Variants in SPTLC3 observed in about 807,000 individuals in gnomAD.
The protein encoded by SPTLC3 is serine palmitoyltransferase long chain base subunit 3, also known as serine palmitoyltransferase 3.
SPTLC3 carries 36 observed loss-of-function variants against 59.3 expected under a neutral mutation model. The ratio of observed to expected loss-of-function variants is 0.61; its 90% CI spans 0.47 to 0.80. The LOEUF (loss-of-function observed/expected upper bound fraction) is 0.80. SPTLC3 is among the 30% of genes least tolerant of loss of function. The probability of loss-of-function intolerance (pLI) is 0.00; values close to 1 mark genes in which losing one functional copy is unlikely to be tolerated. For synonymous variants in SPTLC3, 257 were observed against 240.8 expected, an observed-to-expected ratio of 1.07 and a Z score of -0.62; for missense variants, 625 against 685.1, an observed-to-expected ratio of 0.91 and a Z score of 0.98.
At chr20:13,059,762 A>C (rs955024182) in intron 2 of SPTLC3, among the ~76,000 whole-genome samples, 2 of 152,106 alleles carry the variant, frequency 1.3e-5, no homozygotes, top group African/African-American at 4.8e-5. Context: ...CCACCCTTGG[A>C]GCCCTCAAGC....
At chr20:13,140,640 A>C (rs537261640) in intron 9 of SPTLC3, among the ~76,000 whole-genome samples, 1 of 147,098 alleles carries the variant, frequency 6.8e-6, no homozygotes, top group South Asian at 2.1e-4. Context: ...GCATATCTAC[A>C]GGATTAAAAA....
chr20:13,167,011 T>C lies in SPTLC3; in HGVS notation c.*2144T>C, dbSNP rs905640455. 6.6e-6 allele frequency: 1 copy of C among 152,180 alleles called. No homozygotes were observed. Among genetic ancestry groups the C allele is most frequent in the African/African-American group, 2.4e-5 (1 of 41,444 alleles). 9.4% of individuals were successfully genotyped at this position (152,180 alleles called of 1,614,324 possible). A position where few individuals can be genotyped will look rare whatever the true frequency, so the allele number is the denominator to read the frequency against. ...CTGCAATGTACAAAACAAAAGGACC[T>C]GTTTCTGTTAGAGAGTCCATGTTGA... On this transcript the variant is annotated 3_prime_UTR_variant, in exon 12 of 12. Coordinates refer to ENST00000399002, the MANE Select transcript of SPTLC3 (RefSeq NM_018327.4).
intron 9 of SPTLC3, among the ~76,000 whole-genome samples, chr20:13,133,532 G>A (rs528713394): frequency 3.3e-5 from 5 of 152,230 alleles, no homozygotes; most frequent in African/African-American, 7.2e-5. Flanking sequence ...TCAGGAGTTC[G>A]AGACCAACCT....
At chr20:13,080,382 C>G (rs1208164119) in intron 4 of SPTLC3, among the ~76,000 whole-genome samples, 2 of 152,086 alleles carry the variant, frequency 1.3e-5, no homozygotes, top group Non-Finnish European at 2.9e-5. Context: ...GTGGCATGCG[C>G]CTGTACTCCC....
At chr20:13,030,241 T>C (rs1986369714) in intron 1 of SPTLC3, among the ~76,000 whole-genome samples, 1 of 152,216 alleles carries the variant, frequency 6.6e-6, no homozygotes, top group African/African-American at 2.4e-5. Flanking sequence ...CCTCTGTTGT[T>C]GGTTCATTCC....
chr20:13,161,069 A>C (rs2038886225), intron 11 of SPTLC3, among the ~76,000 whole-genome samples: 1 of 152,226 alleles, frequency 6.6e-6, no homozygotes, highest in Non-Finnish European at 1.5e-5. Flanking sequence ...ACAAGAGATG[A>C]CAAGGCTAAT....
chr20:13,163,350 A>G (rs999451125), intron 11 of SPTLC3, among the ~76,000 whole-genome samples: 2 of 147,608 alleles, frequency 1.4e-5, no homozygotes, highest in African/African-American at 5.0e-5. Flanking sequence ...CCTGGGCAAC[A>G]GAGTGAGACG....
intron 8 of SPTLC3, among the ~76,000 whole-genome samples, chr20:13,124,311 G>C (rs1391986970): frequency 6.6e-6 from 1 of 152,080 alleles, no homozygotes; most frequent in East Asian, 1.9e-4. Context: ...AAGATGGAAG[G>C]GGGGAGGGGG....
At chr20:13,060,404 ATTT>A (rs1445551984) in intron 2 of SPTLC3, among the ~76,000 whole-genome samples, 12 of 147,816 alleles carry the variant, frequency 8.1e-5, no homozygotes, top group African/African-American at 2.5e-4. Flanking sequence ...TTATTTATTT[ATTT>A]ATTTATTTAT....
intron 9 of SPTLC3, among the ~76,000 whole-genome samples, chr20:13,152,110 A>C (rs1039678818): frequency 2.0e-5 from 3 of 152,090 alleles, no homozygotes; most frequent in African/African-American, 7.2e-5. Context: ...GGCTAACAAC[A>C]CAGATTCTGG....
intron 9 of SPTLC3, among the ~76,000 whole-genome samples, chr20:13,133,649 G>A (rs758154162): frequency 1.8e-4 from 27 of 152,236 alleles, no homozygotes; most frequent in African/African-American, 5.5e-4. Context: ...CAAGAGAATC[G>A]CTTGAGCCCA....
At chr20:13,132,333 C>T (rs111279067) in intron 9 of SPTLC3, among the ~76,000 whole-genome samples, 12 of 151,780 alleles carry the variant, frequency 7.9e-5, no homozygotes, top group Admixed American at 1.3e-4. Flanking sequence ...CCCACCGCCA[C>T]GCCCAGCTAA....
intron 1 of SPTLC3, among the ~76,000 whole-genome samples, chr20:13,022,373 A>C (rs1374505863): frequency 6.6e-6 from 1 of 152,208 alleles, no homozygotes; most frequent in Non-Finnish European, 1.5e-5. Flanking sequence ...CTATTGCTGC[A>C]TAACAATGCA....
intron 4 of SPTLC3, among the ~76,000 whole-genome samples, chr20:13,089,730 G>C (rs1989144203): frequency 6.9e-6 from 1 of 145,282 alleles, no homozygotes. Context: ...AGGTTGCAGT[G>C]AGTCAAGATC....
At chr20:13,153,263 C>T (rs1288032203) in intron 9 of SPTLC3, among the ~76,000 whole-genome samples, 9 of 152,182 alleles carry the variant, frequency 5.9e-5, no homozygotes, top group Admixed American at 1.3e-4. Flanking sequence ...ATCTCACATG[C>T]GTGAACTCTG....
At chr20:13,141,505 A>G (rs920720663) in intron 9 of SPTLC3, among the ~76,000 whole-genome samples, 43 of 152,040 alleles carry the variant, frequency 2.8e-4, no homozygotes, top group Non-Finnish European at 1.0e-4. Flanking sequence ...TCTCCATCCA[A>G]CTCAGCCAGG....
intron 6 of SPTLC3, among the ~76,000 whole-genome samples, chr20:13,093,927 T>G (rs1989320607): frequency 6.6e-6 from 1 of 152,160 alleles, no homozygotes; most frequent in African/African-American, 2.4e-5. Context: ...TTTGAAGACT[T>G]AAGTTTTGTG....
At chr20:13,096,906 G>C (rs1275558266) in intron 6 of SPTLC3, among the ~76,000 whole-genome samples, 1 of 152,042 alleles carries the variant, frequency 6.6e-6, no homozygotes, top group East Asian at 1.9e-4. Context: ...CTGTGAAACT[G>C]TGGTCCTAGA....
chr20:13,017,037 CT>C (rs1290090291), intron 1 of SPTLC3, among the ~76,000 whole-genome samples: 1 of 152,088 alleles, frequency 6.6e-6, no homozygotes, highest in Non-Finnish European at 1.5e-5. Flanking sequence ...AGTTCTTATC[CT>C]TTAGTCCACG....
Sources: allele counts gnomAD v4.1 joint callset (sites outside exome capture counted in the v4.1 genomes callset), GRCh38; gene constraint gnomAD v4.1.1; transcripts MANE v1.5; gene names NCBI Gene and HGNC (gene_info 2026-07-23, HGNC 2026-07-21).